ZNF7: variants seen among roughly 807,000 people sequenced by gnomAD.
ZNF7 encodes zinc finger protein 7.
In ZNF7, 10 loss-of-function variants were observed where a neutral mutation model predicts 12.0. That is an observed-to-expected ratio of 0.83 (90% CI 0.51 to 1.42). ZNF7 has a LOEUF of 1.42. ZNF7 is among the 40% of genes most tolerant of loss of function. The probability of loss-of-function intolerance (pLI) is 0.00; values close to 1 mark genes in which losing one functional copy is unlikely to be tolerated. For missense variants in ZNF7, 854 were observed against 837.2 expected, an observed-to-expected ratio of 1.02 and a Z score of -0.25; for synonymous variants, 334 against 295.0, an observed-to-expected ratio of 1.13 and a Z score of -1.35.
At chr8:144,832,876 G>A (rs540540978) in intron 3 of ZNF7, among the ~76,000 whole-genome samples, 4 of 151,930 alleles carry the variant, frequency 2.6e-5, no homozygotes, top group African/African-American at 7.3e-5. Context: ...TCCACACATA[G>A]CTGTTTTCCC....
chr8:144,831,176 C>T (rs1828405195), intron 3 of ZNF7: 1 of 356,864 alleles, frequency 2.8e-6, no homozygotes, highest in African/African-American at 2.2e-5. Context: ...ACTGGAATTG[C>T]AGTCATTCCC....
intron 3 of ZNF7, chr8:144,835,001 C>T (rs1433367119): frequency 6.6e-6 from 1 of 152,046 alleles, no homozygotes; most frequent in Non-Finnish European, 1.5e-5. Context: ...CTTGGGCTCC[C>T]AAAGTGCTGG....
chr8:144,829,582 C>G lies in ZNF7; in HGVS notation c.108C>G (p.Asn36Lys), dbSNP rs1257792172. ...TCTACAGGGAAGTGATGCTGGAGAACCACAGCAGTGTGGCTGGACTAGGTG... is the reference window on the plus strand; with the variant it reads ...TCTACAGGGAAGTGATGCTGGAGAAGCACAGCAGTGTGGCTGGACTAGGTG... The part of the protein sequence containing the change: ...RALYREVMLE[N>K]HSSVAGLAGF... The change falls in exon 3 of 5, where the codon AAC becomes AAG. Residue 36 changes from asparagine to lysine, a missense_variant. Transcript: ENST00000532777. 1 of 1,612,952 alleles carries G rather than the reference C, an allele frequency of 6.2e-7. No homozygotes were observed. The highest frequency in any genetic ancestry group is 8.5e-7 in the Non-Finnish European group (1 of 1,179,110).
chr8:144,836,619 G>T (rs1053543134), intron 3 of ZNF7: 5 of 152,270 alleles, frequency 3.3e-5, no homozygotes, highest in African/African-American at 1.2e-4. Flanking sequence ...TGAATGTGGA[G>T]TCCTGCCTGC....
In ZNF7 at chr8:144,838,056, G is replaced by GC. The variant is rs34966207; in HGVS notation, c.247+555dup. ...CCGGGGGGTCAGCAAGCAGGGCCGT[G>GC]CCCCCCTGTGAAGGCTTTAGGGAAG... is the stretch of plus-strand genomic sequence containing the variant. On this transcript the variant is annotated intron_variant, in intron 4 of 4. Transcript: ENST00000532777. The GC allele has an allele frequency of 7.6e-3, 5,322 of 702,630 alleles. 193 individuals are homozygous for GC. In the African/African-American group the frequency reaches 0.085, roughly 11 times the overall value. The allele number at this position is 702,630 out of a possible 1,614,324, so 43.5% of individuals were successfully genotyped here.
intron 1 of ZNF7, chr8:144,828,683 T>C (rs537838731): frequency 3.8e-5 from 10 of 262,014 alleles, no homozygotes; most frequent in African/African-American, 1.9e-4. Context: ...CTGTCGTGGT[T>C]GCAGTGTGCT....
In ZNF7 at chr8:144,841,520, G is replaced by A; in HGVS notation, c.413G>A (p.Ser138Asn). Residue 138 changes from serine to asparagine, a missense_variant, in exon 5 of 5, where the codon AGT becomes AAT. Physicochemically the swap from Ser to Asn is conservative, Grantham distance 46. Transcript: ENST00000532777. The part of the protein sequence containing the change: ...SEVWLDSHLG[S>N]PGLKVTGFTF... ...GTCTGGTTAGACAGTCATCTGGGCA[G>A]TCCCGGGCTGAAAGTGACAGGCTTT... 6.2e-7 allele frequency: 1 copy of A among 1,614,190 alleles called. No individual in the cohort carries two copies. The highest frequency in any genetic ancestry group is 8.5e-7 in the Non-Finnish European group (1 of 1,180,046).
In ZNF7 at chr8:144,829,107, C is replaced by A; in HGVS notation, c.3+17C>A. On this transcript the variant is annotated intron_variant, in intron 2 of 4. Transcript: ENST00000532777. ...AGCCTCATGGTAGGAAGCTTGACTG[C>A]CTCCTTCCCCTCGCATGTCCTGTGA... The A allele has an allele frequency of 6.2e-7, 1 of 1,613,788 alleles. No individual in the cohort carries two copies. The highest frequency in any genetic ancestry group is 8.5e-7 in the Non-Finnish European group (1 of 1,179,892).
chr8:144,839,404 C>G (rs1829556517), intron 4 of ZNF7, among the ~76,000 whole-genome samples: 1 of 152,238 alleles, frequency 6.6e-6, no homozygotes, highest in Non-Finnish European at 1.5e-5. Flanking sequence ...TCTGCTCAGT[C>G]TCCCTGAGAA....
In ZNF7 at chr8:144,834,398, GCA is replaced by G. The variant is rs898531548; in HGVS notation, c.131-2990_131-2989del. On this transcript the variant is annotated intron_variant, in intron 3 of 4. Coordinates refer to ENST00000532777, the MANE Select transcript of ZNF7 (RefSeq NM_003416.4). The stretch of plus-strand genomic sequence containing the variant: ...CCCATCTCTGCCTTTGCAGTGGCCA[GCA>G]CAGTGTTAAACAGGACCGTGTGGGC... 3 of 152,268 alleles carry G rather than the reference GCA, an allele frequency of 2.0e-5. No individual in the cohort carries two copies. The East Asian group carries it at 5.8e-4, about 29-fold the overall frequency. 9.4% of individuals were successfully genotyped at this position (152,268 alleles called of 1,614,324 possible).
chr8:144,835,486 C>CA (rs1828889272), intron 3 of ZNF7: 2 of 152,198 alleles, frequency 1.3e-5, no homozygotes, highest in South Asian at 4.1e-4. Flanking sequence ...AGGCAGGAGA[C>CA]ACCTTGCCTG....
rs1318813438 is a variant in ZNF7, at chr8:144,842,618, A to G, written c.1511A>G (p.Lys504Arg). Residue 504 changes from lysine (K) to arginine (R), a missense_variant, in exon 5 of 5, where the codon AAA becomes AGA. Coordinates refer to ENST00000532777, the MANE Select transcript of ZNF7 (RefSeq NM_003416.4). ...CCCTATGTGTGTAATGACTGTGGAA[A>G]AGCCTTCAGTCAGAGTTCCAGCCTT... is the stretch of plus-strand genomic sequence containing the variant. ...EKPYVCNDCG[K>R]AFSQSSSLIY... 1.2e-6 allele frequency: 2 copies of G among 1,614,138 alleles called. No individual in the cohort carries two copies. The highest frequency in any genetic ancestry group is 1.7e-6 in the Non-Finnish European group (2 of 1,180,060).
chr8:144,827,688 T>G (rs891373643), intron 1 of ZNF7, 79 bp downstream of exon 1: 1 of 984,552 alleles, frequency 1.0e-6, no homozygotes, highest in Non-Finnish European at 1.2e-6. Flanking sequence ...CCCTCCCGCC[T>G]TCGGCATTGG....
downstream of ZNF7, chr8:144,846,120 A>C (rs1830499606): frequency 6.5e-7 from 1 of 1,536,206 alleles, no homozygotes. Flanking sequence ...CCTCTTGGCC[A>C]CTTCCTGGTT....
chr8:144,832,833 T>C (rs772993413), intron 3 of ZNF7, among the ~76,000 whole-genome samples: 32 of 152,224 alleles, frequency 2.1e-4, no homozygotes, highest in Non-Finnish European at 4.3e-4. Context: ...CACATTTGTA[T>C]TGGGGTTACG....
chr8:144,843,349 G>C lies in ZNF7; in HGVS notation c.*181G>C. The C allele has an allele frequency of 1.4e-6, 1 of 696,586 alleles. No homozygotes were observed. The highest frequency in any genetic ancestry group is 2.2e-6 in the Non-Finnish European group (1 of 453,744). 43.2% of individuals were successfully genotyped at this position (696,586 alleles called of 1,614,324 possible). The stretch of plus-strand genomic sequence containing the variant: ...TTATGCCTGTCATCCCAGCACTTTG[G>C]GAGGCCAAGGCGGGCACATCACGAG... On this transcript the variant is annotated 3_prime_UTR_variant, in exon 5 of 5. Transcript: ENST00000532777.
At chr8:144,830,085 T>G (rs1828259251) in intron 3 of ZNF7, 1 of 154,132 alleles carries the variant, frequency 6.5e-6, no homozygotes, top group Admixed American at 6.4e-5. Flanking sequence ...CATGCCTGTG[T>G]CCTCACAAGC....
At chr8:144,830,981 C>T (rs1049445670) in intron 3 of ZNF7, 1 of 456,368 alleles carries the variant, frequency 2.2e-6, no homozygotes, top group Admixed American at 2.3e-5. Flanking sequence ...ATGCTTTCCA[C>T]GTGATGGCAA....
rs74830274 is a variant in ZNF7 at position 144,840,080 on chromosome 8, G to A, written c.248-1275G>A. ...CTCCCAAGTAGCCGGGATTACAGGC[G>A]TGAGCCACTGCACCTGGCCACCCTG... On this transcript the variant is annotated intron_variant, in intron 4 of 4. Transcript: ENST00000532777. Among the ~76,000 whole-genome samples the A allele has an allele frequency of 1.6e-4, 25 of 152,342 alleles. No homozygotes were observed. The East Asian group carries it at 3.7e-3, about 22-fold the overall frequency.
Sources: gnomAD v4.1 joint callset for allele counts (sites outside exome capture counted in the v4.1 genomes callset) on GRCh38, gnomAD v4.1.1 for gene constraint, MANE v1.5 for transcripts, NCBI Gene and HGNC (gene_info 2026-07-23, HGNC 2026-07-21) for gene names.